Variants in LRPPRC observed in about 807,000 individuals in gnomAD.
The protein encoded by LRPPRC is leucine rich pentatricopeptide repeat containing.
A neutral mutation model predicts 180.3 loss-of-function variants in LRPPRC; 120 were observed. That is an observed-to-expected ratio of 0.67 (90% confidence interval 0.57 to 0.77). LRPPRC has a LOEUF of 0.77. Ranked by LOEUF, LRPPRC falls within the 30% of genes least tolerant of loss-of-function variation. The pLI is 0.00. For missense variants in LRPPRC, 2,012 were observed against 1,657.2 expected (o/e 1.21, Z -3.72); for synonymous variants, 723 against 600.0 (o/e 1.21, Z -3.00).
At chr2:43,900,629 TCAAA>T (rs1448306232) in intron 32 of LRPPRC, among the ~76,000 whole-genome samples, 62 of 152,140 alleles carry the variant, frequency 4.1e-4, no homozygotes, top group Middle Eastern at 3.4e-3. Context: ...CAACTGTTTC[TCAAA>T]CAAACAAAAA....
chr2:43,946,788 C>A (rs1475770746), intron 20 of LRPPRC, among the ~76,000 whole-genome samples: 1 of 151,956 alleles, frequency 6.6e-6, no homozygotes, highest in African/African-American at 2.4e-5. Context: ...AAATTGCAGA[C>A]ATACACTAAA....
chr2:43,967,933 C>T (rs943039544), intron 11 of LRPPRC, among the ~76,000 whole-genome samples: 18 of 152,092 alleles, frequency 1.2e-4, no homozygotes, highest in Admixed American at 1.1e-3. Flanking sequence ...TTACTAAGCA[C>T]CTGACATGAT....
At chr2:43,928,275 ACT>A (rs1671960404) in intron 25 of LRPPRC, among the ~76,000 whole-genome samples, 1 of 152,214 alleles carries the variant, frequency 6.6e-6, no homozygotes. Context: ...TCATTACAAC[ACT>A]CTGATGTAAA....
chr2:43,940,843 C>T (rs536224621), intron 23 of LRPPRC, among the ~76,000 whole-genome samples: 7 of 152,026 alleles, frequency 4.6e-5, no homozygotes, highest in African/African-American at 1.4e-4. Context: ...CTTAATGTGA[C>T]GGATTGCTGT....
chr2:43,974,618 A>T lies in LRPPRC; in HGVS notation c.1005T>A (p.Ile335=). The change falls in exon 8 of 38, where the codon ATT becomes ATA. Residue 335 remains isoleucine, a synonymous_variant. Transcript: ENST00000260665. ...LEKVTCERRY[I]PDAMNLILLL... is the part of the protein sequence containing the mutation. ...AATAGATTTTTTTAAAACTACCTGGAATATATCTTCTTTCACATGTAACTT... is the reference window on the plus strand; with the variant it reads ...AATAGATTTTTTTAAAACTACCTGGTATATATCTTCTTTCACATGTAACTT... The T allele has an allele frequency of 6.4e-7, 1 of 1,569,778 alleles. No homozygotes were observed. The highest frequency in any genetic ancestry group is 8.8e-7 in the Non-Finnish European group (1 of 1,140,598).
chr2:43,925,878 G>T lies in LRPPRC; in HGVS notation c.2805+15C>A. 1 of 1,587,054 alleles carries T rather than the reference G, an allele frequency of 6.3e-7. No individual in the cohort carries two copies. Among genetic ancestry groups the T allele is most frequent in the Non-Finnish European group, 8.7e-7 (1 of 1,155,414 alleles). The stretch of plus-strand genomic sequence containing the variant: ...ACACTTTTAGGTGATTGAGACATCT[G>T]AATCAAATACAAACCTGATTATTTG... On this transcript the variant is annotated intron_variant, in intron 26 of 37. Coordinates refer to ENST00000260665, the MANE Select transcript of LRPPRC (RefSeq NM_133259.4).
rs1672574204 is a variant in LRPPRC, at chr2:43,943,745, C to T, written c.2446G>A (p.Gly816Arg). The T allele has an allele frequency of 6.2e-7, 1 of 1,613,518 alleles. No homozygotes were observed. The highest frequency in any genetic ancestry group is 8.5e-7 in the Non-Finnish European group (1 of 1,179,494). ...ATGTTGGTGGATGGTTCTGCTAACCCTAGAGTCACGATGGCTTCATGCAAC... is the reference window on the plus strand; with the variant it reads ...ATGTTGGTGGATGGTTCTGCTAACCTTAGAGTCACGATGGCTTCATGCAAC... ...KQLHEAIVTL[G>R]LAEPSTNISF... is the part of the protein sequence containing the mutation. Residue 816 changes from glycine to arginine, a missense_variant, in exon 23 of 38, where the codon GGG becomes AGG. Physicochemically the swap from Gly to Arg is moderately radical, Grantham distance 125 (BLOSUM62 -2). Coordinates refer to ENST00000260665, the MANE Select transcript of LRPPRC (RefSeq NM_133259.4).
intron 31 of LRPPRC, chr2:43,902,407 G>A (rs889438862): frequency 2.6e-5 from 4 of 152,120 alleles, no homozygotes; most frequent in African/African-American, 7.2e-5. Flanking sequence ...TAGCTTTATA[G>A]CAACTAAAGC....
rs1339009554 is a variant in LRPPRC at position 43,888,534 on chromosome 2, T to A, written c.*66A>T. The A allele has an allele frequency of 1.0e-6, 1 of 1,002,908 alleles. No individual in the cohort carries two copies. The highest frequency in any genetic ancestry group is 1.6e-6 in the Non-Finnish European group (1 of 627,664). 62.1% of individuals were successfully genotyped at this position (1,002,908 alleles called of 1,614,324 possible). A position where few individuals can be genotyped will look rare whatever the true frequency, so the allele number is the denominator to read the frequency against. On this transcript the variant is annotated 3_prime_UTR_variant, in exon 38 of 38. Transcript: ENST00000260665. Reference sequence around the variant, plus strand: ...TTTTCATTTATTTTTCCCTCAGATATACTTCAAAATAACATGTAGACACAG... The same window carrying A: ...TTTTCATTTATTTTTCCCTCAGATAAACTTCAAAATAACATGTAGACACAG...
chr2:43,894,759 C>CT, intron 35 of LRPPRC, 130 bp from the exon 36 acceptor site: 2 of 653,100 alleles, frequency 3.1e-6, no homozygotes, highest in Non-Finnish European at 2.8e-6. Flanking sequence ...ATTTAATGCA[C>CT]TATTGTCCCT....
chr2:43,910,145 T>C (rs1417479416), intron 30 of LRPPRC, among the ~76,000 whole-genome samples: 1 of 152,188 alleles, frequency 6.6e-6, no homozygotes, highest in Non-Finnish European at 1.5e-5. Context: ...AATTGCAGTT[T>C]TGAAACTACT....
At chr2:43,928,353 T>C (rs185504985) in intron 25 of LRPPRC, among the ~76,000 whole-genome samples, 39 of 152,328 alleles carry the variant, frequency 2.6e-4, no homozygotes, top group African/African-American at 9.4e-4. Flanking sequence ...CAATAATTAT[T>C]ACCTGTTAGG....
At chr2:43,984,756 G>T (rs1479473883) in intron 1 of LRPPRC, among the ~76,000 whole-genome samples, 1 of 152,126 alleles carries the variant, frequency 6.6e-6, no homozygotes, top group African/African-American at 2.4e-5. Context: ...ACACCCACCA[G>T]GCTTGCACAA....
intron 18 of LRPPRC, 148 bp downstream of exon 18, chr2:43,947,974 T>C (rs1478290386): frequency 3.0e-6 from 2 of 661,212 alleles, no homozygotes; most frequent in African/African-American, 1.8e-5. Flanking sequence ...ATAGTATTTA[T>C]GAACAATCAA....
chr2:43,969,121 C>A (rs1241697320), intron 11 of LRPPRC, among the ~76,000 whole-genome samples: 1 of 152,174 alleles, frequency 6.6e-6, no homozygotes, highest in Non-Finnish European at 1.5e-5. Flanking sequence ...GAGTAAGAAA[C>A]CAAGTCTCAG....
At chr2:43,979,970 A>AT in intron 2 of LRPPRC, 22 bp from the exon 3 acceptor site, 1 of 1,610,296 alleles carries the variant, frequency 6.2e-7, no homozygotes, top group Non-Finnish European at 8.5e-7. Context: ...AGGTTAATGG[A>AT]TAACATTTAA....
At chr2:43,908,305 A>C (rs1671131676) in intron 30 of LRPPRC, among the ~76,000 whole-genome samples, 1 of 152,228 alleles carries the variant, frequency 6.6e-6, no homozygotes, top group East Asian at 1.9e-4. Flanking sequence ...AATTCACTAC[A>C]GATAAATTAT....
At position 43,887,873 on chromosome 2, in the gene LRPPRC, A is replaced by AAAGTC. The variant is rs1453492312; in HGVS notation, c.*722_*726dup. On this transcript the variant is annotated 3_prime_UTR_variant, in exon 38 of 38. Coordinates refer to ENST00000260665, the MANE Select transcript of LRPPRC (RefSeq NM_133259.4). ...AGCCTAGGGCAGAGCTTGTACTGAC[A>AAAGTC]AAGTCCTGAAACTACAATGAGAGGA... 1 of 152,390 alleles carries AAAGTC rather than the reference A, an allele frequency of 6.6e-6. No homozygotes were observed. The highest frequency in any genetic ancestry group is 1.5e-5 in the Non-Finnish European group (1 of 68,180). The allele number at this position is 152,390 out of a possible 1,614,324, so 9.4% of individuals were successfully genotyped here.
At position 43,898,880 on chromosome 2, in the gene LRPPRC, A is replaced by G. The variant is rs1209559364; in HGVS notation, c.3825+339T>C. ...TTGAGAAATTAAAGTAGAAAATCAA[A>G]GGAATTGTTGTTTTGCATTATCTAT... On this transcript the variant is annotated intron_variant, in intron 34 of 37. Coordinates refer to ENST00000260665, the MANE Select transcript of LRPPRC (RefSeq NM_133259.4). Among the ~76,000 whole-genome samples the G allele has an allele frequency of 2.6e-5, 4 of 152,178 alleles. 1 individual carries two copies. The highest frequency in any genetic ancestry group is 2.6e-4 in the Admixed American group (4 of 15,276).
Sources: gnomAD v4.1 joint callset for allele counts (sites outside exome capture counted in the v4.1 genomes callset) on GRCh38, gnomAD v4.1.1 for gene constraint, MANE v1.5 for transcripts, NCBI Gene and HGNC (gene_info 2026-07-23, HGNC 2026-07-21) for gene names.